Variants in SEMA3A observed in about 807,000 individuals in gnomAD.
SEMA3A encodes semaphorin 3A.
SEMA3A carries 29 observed loss-of-function variants against 97.9 expected under a neutral mutation model. The ratio of observed to expected loss-of-function variants is 0.30; its 90% CI spans 0.22 to 0.40. SEMA3A has a LOEUF of 0.40. Ranked by LOEUF, SEMA3A falls within the 10% of genes least tolerant of loss-of-function variation. The pLI is 1.00. For missense variants in SEMA3A, 763 were observed against 951.3 expected (o/e 0.80, Z 2.60); for synonymous variants, 321 against 323.7 (o/e 0.99, Z 0.09).
chr7:84,489,325 A>G (rs1025565416), intron 1 of SEMA3A: 1 of 152,096 alleles, frequency 6.6e-6, no homozygotes, highest in African/African-American at 2.4e-5. Context: ...GCTTATTACA[A>G]TTCATGGAGA....
At chr7:84,144,669 G>C (rs569519556) in intron 1 of SEMA3A, among the ~76,000 whole-genome samples, 1 of 152,178 alleles carries the variant, frequency 6.6e-6, no homozygotes, top group Admixed American at 6.5e-5. Context: ...ACACAAATAA[G>C]CAAGTGAAAA....
At chr7:84,044,173 A>T (rs1792252591) in intron 6 of SEMA3A, among the ~76,000 whole-genome samples, 1 of 101,008 alleles carries the variant, frequency 9.9e-6, no homozygotes, top group Non-Finnish European at 2.6e-5. Context: ...AAATGTTAAG[A>T]GAGTTTTTTT....
chr7:84,122,765 C>T (rs988245243), intron 3 of SEMA3A, among the ~76,000 whole-genome samples: 9 of 152,256 alleles, frequency 5.9e-5, no homozygotes, highest in Admixed American at 4.6e-4. Flanking sequence ...ATTCTCATTG[C>T]ATTCACTTGG....
intron 1 of SEMA3A, among the ~76,000 whole-genome samples, chr7:84,398,637 T>C (rs1803806066): frequency 6.6e-6 from 1 of 151,574 alleles, no homozygotes. Flanking sequence ...ACTCTGTCTC[T>C]ATATAATTTT....
At chr7:84,378,902 A>ATTT (rs1803179140) in intron 1 of SEMA3A, among the ~76,000 whole-genome samples, 2 of 125,656 alleles carry the variant, frequency 1.6e-5, no homozygotes, top group Admixed American at 8.9e-5. Context: ...CTCCATATAT[A>ATTT]TTTTTGTTGT....
chr7:84,411,603 A>T (rs968045332), intron 1 of SEMA3A, among the ~76,000 whole-genome samples: 2 of 151,434 alleles, frequency 1.3e-5, no homozygotes, highest in Non-Finnish European at 2.9e-5. Flanking sequence ...GTATTATAGA[A>T]AAATAACTGA....
intron 1 of SEMA3A, among the ~76,000 whole-genome samples, chr7:84,418,907 A>G (rs1228959): frequency 1.3e-5 from 2 of 151,372 alleles, no homozygotes; most frequent in Non-Finnish European, 2.9e-5. Flanking sequence ...ACACACATAT[A>G]TACACATAAA....
chr7:84,399,686 T>C (rs1562932949), intron 1 of SEMA3A, among the ~76,000 whole-genome samples: 1 of 152,170 alleles, frequency 6.6e-6, no homozygotes, highest in Non-Finnish European at 1.5e-5. Context: ...AGAAATCTAC[T>C]TCCCTGGTAG....
At chr7:84,269,551 A>C (rs918268575) in intron 3 of SEMA3A, among the ~76,000 whole-genome samples, 7 of 152,136 alleles carry the variant, frequency 4.6e-5, no homozygotes, top group Non-Finnish European at 7.4e-5. Context: ...GAATTGTATA[A>C]GATAAAACAG....
intron 4 of SEMA3A, among the ~76,000 whole-genome samples, chr7:84,089,505 G>A (rs1794495056): frequency 8.0e-6 from 1 of 124,266 alleles, no homozygotes; most frequent in Admixed American, 8.9e-5. Context: ...TTATGGGTTT[G>A]GAGTCAACCA....
intron 5 of SEMA3A, among the ~76,000 whole-genome samples, chr7:84,054,737 T>C (rs1362020132): frequency 2.0e-5 from 3 of 146,980 alleles, no homozygotes; most frequent in Non-Finnish European, 4.5e-5. Flanking sequence ...CTTTGTTCCG[T>C]TGCTGGTGAG....
intron 6 of SEMA3A, among the ~76,000 whole-genome samples, chr7:84,016,166 C>A (rs1207836554): frequency 1.3e-5 from 2 of 152,040 alleles, no homozygotes; most frequent in African/African-American, 2.4e-5. Flanking sequence ...ATTACTGTCA[C>A]AAACTAAAGA....
At chr7:84,170,218 T>A (rs1184522997) in intron 1 of SEMA3A, among the ~76,000 whole-genome samples, 1 of 151,940 alleles carries the variant, frequency 6.6e-6, no homozygotes, top group Non-Finnish European at 1.5e-5. Context: ...CGATAAAAGA[T>A]TTTAAACACG....
chr7:84,396,080 A>T (rs1803723804), intron 1 of SEMA3A, among the ~76,000 whole-genome samples: 1 of 152,114 alleles, frequency 6.6e-6, no homozygotes, highest in Non-Finnish European at 1.5e-5. Context: ...GTTATAAGAC[A>T]TAGAAAGTGA....
chr7:84,104,206 T>C (rs1451618708), intron 4 of SEMA3A, among the ~76,000 whole-genome samples: 2 of 152,134 alleles, frequency 1.3e-5, no homozygotes, highest in Non-Finnish European at 2.9e-5. Context: ...CGGCAGCACA[T>C]ACACTAAAAA....
At chr7:84,125,814 T>C (rs1795776233) in intron 3 of SEMA3A, among the ~76,000 whole-genome samples, 1 of 152,236 alleles carries the variant, frequency 6.6e-6, no homozygotes, top group Non-Finnish European at 1.5e-5. Context: ...AAATCTGCTA[T>C]CTCAGCCATT....
intron 5 of SEMA3A, among the ~76,000 whole-genome samples, chr7:84,046,857 G>A (rs972987668): frequency 2.6e-5 from 4 of 151,936 alleles, no homozygotes; most frequent in Non-Finnish European, 2.9e-5. Context: ...CGTAGGGTAA[G>A]GTATCATTAT....
intron 1 of SEMA3A, among the ~76,000 whole-genome samples, chr7:84,174,751 C>A (rs1208501674): frequency 1.3e-5 from 2 of 151,928 alleles, no homozygotes; most frequent in African/African-American, 4.8e-5. Context: ...AATTAGTATT[C>A]TTGTAGTTCT....
chr7:84,421,404 T>A (rs1002570094), intron 1 of SEMA3A, among the ~76,000 whole-genome samples: 15 of 152,046 alleles, frequency 9.9e-5, no homozygotes, highest in African/African-American at 3.6e-4. Context: ...AAAGGGACAC[T>A]AGACAATAAC....
Sources: allele counts gnomAD v4.1 joint callset (sites outside exome capture counted in the v4.1 genomes callset), GRCh38; gene constraint gnomAD v4.1.1; transcripts MANE v1.5; gene names NCBI Gene and HGNC (gene_info 2026-07-23, HGNC 2026-07-21).